Variants in TADA1 observed in about 807,000 individuals in gnomAD.
TADA1 encodes the protein transcriptional adaptor 1.
In TADA1, 23 loss-of-function variants were observed where a neutral mutation model predicts 39.3. That is an observed-to-expected ratio of 0.58 (90% CI 0.42 to 0.83). The LOEUF (loss-of-function observed/expected upper bound fraction) is 0.83, where lower values mean the gene tolerates loss of function less well. TADA1 is among the 40% of genes least tolerant of loss of function. TADA1 has a pLI of 0.00. For synonymous variants in TADA1, 137 were observed against 151.8 expected, an observed-to-expected ratio of 0.90 and a Z score of 0.72; for missense variants, 352 against 408.1, an observed-to-expected ratio of 0.86 and a Z score of 1.18.
intron 6 of TADA1, 57 bp downstream of exon 6, chr1:166,860,127 AAG>A (rs1210149462): frequency 1.3e-6 from 2 of 1,501,290 alleles, no homozygotes; most frequent in African/African-American, 2.8e-5. Context: ...AATGGTCTAT[AAG>A]AGGAGTATAA....
rs141542819 is a variant in TADA1, at chr1:166,863,887, G to A, written c.267C>T (p.Ser89=). ...CCTTGGGTTTTCCAGGTTTTGCTGC[G>A]GAACCCCCTGGCCAAGGCAAAGATC... ...GAGSLPWPGG[S]AAKPGKPKGK... The change falls in exon 4 of 8, where the codon TCC becomes TCT. Residue 89 remains serine (S), a synonymous_variant. Transcript: ENST00000367874. The A allele has an allele frequency of 5.1e-5, 82 of 1,611,054 alleles. No individual in the cohort carries two copies. The highest frequency in any genetic ancestry group is 3.8e-4 in the East Asian group (17 of 44,718).
Position 166,876,067 on chromosome 1 carries a change from G to A in TADA1, c.74+93C>T, listed in dbSNP as rs1008748246. 3.1e-6 allele frequency: 4 copies of A among 1,275,846 alleles called. No individual in the cohort carries two copies. The Admixed American group carries it at 8.1e-5, about 26-fold the overall frequency. 79.0% of individuals were successfully genotyped at this position (1,275,846 alleles called of 1,614,324 possible). On this transcript the variant is annotated intron_variant, in intron 1 of 7. Transcript: ENST00000367874. ...CGGACTCCAGGCTGCACAGGCCCCCGGGCGACGCGGGCGTCTCCGGGGCGG... is the reference window on the plus strand; with the variant it reads ...CGGACTCCAGGCTGCACAGGCCCCCAGGCGACGCGGGCGTCTCCGGGGCGG...
At chr1:166,874,466 A>C (rs1427219098) in intron 1 of TADA1, among the ~76,000 whole-genome samples, 1 of 152,172 alleles carries the variant, frequency 6.6e-6, no homozygotes, top group Non-Finnish European at 1.5e-5. Flanking sequence ...AGCACAGTGA[A>C]CATCAATATC....
intron 3 of TADA1, among the ~76,000 whole-genome samples, chr1:166,867,082 C>A (rs1658554826): frequency 6.8e-6 from 1 of 148,126 alleles, no homozygotes; most frequent in African/African-American, 2.4e-5. Flanking sequence ...TTTATAAGTT[C>A]TTTCATCTGT....
chr1:166,858,295 T>C lies in TADA1; in HGVS notation c.693-14A>G. ...AAAGCTGGAGGGCTGAAAATAAAAA[T>C]TTCAGAAATAGTCCCAGCACAGAGA... On this transcript the variant is annotated splice_polypyrimidine_tract_variant and intron_variant, in intron 6 of 7. Transcript: ENST00000367874. The C allele has an allele frequency of 4.6e-6, 7 of 1,525,294 alleles. No individual in the cohort carries two copies. Among genetic ancestry groups the C allele is most frequent in the Non-Finnish European group, 6.1e-6 (7 of 1,139,350 alleles). The allele number at this position is 1,525,294 out of a possible 1,614,324, so 94.5% of individuals were successfully genotyped here. A position where few individuals can be genotyped will look rare whatever the true frequency, so the allele number is the denominator to read the frequency against.
chr1:166,857,739 G>GC lies in TADA1; in HGVS notation c.856-21dup. ...GTGCACCTGGGATTAAAAAATTAAC[G>GC]CATGTCCAATTATACTTGAGTAGAC... On this transcript the variant is annotated intron_variant, in intron 7 of 7. Coordinates refer to ENST00000367874, the MANE Select transcript of TADA1 (RefSeq NM_053053.4). 6.2e-7 allele frequency: 1 copy of GC among 1,607,024 alleles called. No homozygotes were observed. The highest frequency in any genetic ancestry group is 8.5e-7 in the Non-Finnish European group (1 of 1,175,940).
chr1:166,858,218 A>C lies in TADA1; in HGVS notation c.756T>G (p.Asp252Glu). ...GCAGGAGTGCAGCCTGCTGCTCAGC[A>C]TCATCAGGGGGTGGGTGAGAAGCTG... Reference protein sequence around the residue: ...QNPASHPPPDDAEQQAALLLA... With the variant: ...QNPASHPPPDEAEQQAALLLA... The change falls in exon 7 of 8, where the codon GAT becomes GAG. Residue 252 changes from aspartate to glutamate, a missense_variant. Physicochemically the swap from Asp to Glu is conservative, Grantham distance 45. Around this residue, in one of 3 missense-constraint regions of TADA1, gnomAD observed 285 missense variants for 310.9 expected, o/e 0.92. Transcript: ENST00000367874. 6.2e-7 allele frequency: 1 copy of C among 1,612,900 alleles called. No homozygotes were observed. The highest frequency in any genetic ancestry group is 1.1e-5 in the South Asian group (1 of 90,824).
intron 6 of TADA1, 145 bp downstream of exon 6, chr1:166,860,041 T>G: frequency 1.3e-6 from 1 of 774,270 alleles, no homozygotes; most frequent in Non-Finnish European, 2.0e-6. Context: ...CTCAGGCAAG[T>G]ATAGGACTTT....
intron 3 of TADA1, among the ~76,000 whole-genome samples, chr1:166,866,192 C>G (rs114503964): frequency 6.6e-6 from 1 of 152,218 alleles, no homozygotes; most frequent in Non-Finnish European, 1.5e-5. Flanking sequence ...AAGCGAAGCA[C>G]GCTAAGGCCT....
rs74123309 is a variant in TADA1, at chr1:166,870,052, G to T, written c.75-198C>A. Among the ~76,000 whole-genome samples the T allele has an allele frequency of 6.6e-3, 1,004 of 152,154 alleles. 9 individuals are homozygous for T. The highest frequency in any genetic ancestry group is 0.023 in the African/African-American group (963 of 41,520). On this transcript the variant is annotated intron_variant, in intron 1 of 7. Coordinates refer to ENST00000367874, the MANE Select transcript of TADA1 (RefSeq NM_053053.4). ...CCCTGAGTAGCTGGGACTACAGCAT[G>T]AACACATTTTGCTTCTTCCCCAAGT...
chr1:166,858,941 A>T (rs540930123), intron 6 of TADA1, among the ~76,000 whole-genome samples: 17 of 152,316 alleles, frequency 1.1e-4, no homozygotes, highest in African/African-American at 4.1e-4. Flanking sequence ...GCCCTCAGAG[A>T]CTGGCCAGCA....
chr1:166,869,152 A>G, intron 3 of TADA1: 2 of 382,902 alleles, frequency 5.2e-6, no homozygotes, highest in Non-Finnish European at 1.0e-5. Flanking sequence ...ACAGAAATTC[A>G]AGCTTTGGAT....
intron 7 of TADA1, 122 bp from the exon 8 acceptor site, chr1:166,857,841 A>C: frequency 9.0e-7 from 1 of 1,115,346 alleles, no homozygotes; most frequent in Middle Eastern, 2.1e-4. Context: ...CATACACTAA[A>C]ATGAATCACC....
chr1:166,859,115 A>C (rs1658349113), intron 6 of TADA1, among the ~76,000 whole-genome samples: 1 of 152,238 alleles, frequency 6.6e-6, no homozygotes, highest in Non-Finnish European at 1.5e-5. Context: ...ATGGCAATCT[A>C]AACAGTAAAC....
In TADA1 at chr1:166,863,873, C is replaced by G. The variant is rs1042965429; in HGVS notation, c.281G>C (p.Gly94Ala). 2 of 1,611,838 alleles carry G rather than the reference C, an allele frequency of 1.2e-6. No individual in the cohort carries two copies. ...AAGCTTTTTCTTTCCCTTGGGTTTT[C>G]CAGGTTTTGCTGCGGAACCCCCTGG... ...PWPGGSAAKPGKPKGKKKLSS... is the reference protein window; with the variant it reads ...PWPGGSAAKPAKPKGKKKLSS... The change falls in exon 4 of 8, where the codon GGA (glycine) becomes GCA (alanine). Residue 94 changes from glycine to alanine, a missense_variant. Transcript: ENST00000367874.
At position 166,860,285 on chromosome 1, in the gene TADA1, C is replaced by G. The variant is rs2272792; in HGVS notation, c.593G>C (p.Arg198Pro). The change falls in exon 6 of 8, where the codon CGG (arginine) becomes CCG (proline). Residue 198 changes from arginine (R) to proline (P), a missense_variant. By Grantham distance (103) the Arg-to-Pro change is moderately radical. This residue lies in a region of TADA1 where 285 missense variants were observed against 310.9 expected (regional missense o/e 0.92). Coordinates refer to ENST00000367874, the MANE Select transcript of TADA1 (RefSeq NM_053053.4). ...ATATTTAAAATGACCATCTCGTAAC[C>G]GATAAGCTTTCCTTCTTGACACAAC... Reference protein sequence around the residue: ...TSVVSRRKAYRLRDGHFKYAF... With the variant: ...TSVVSRRKAYPLRDGHFKYAF... The G allele has an allele frequency of 6.2e-7, 1 of 1,613,574 alleles. No individual in the cohort carries two copies. The highest frequency in any genetic ancestry group is 1.3e-5 in the African/African-American group (1 of 74,900).
chr1:166,875,054 A>C (rs1298139291), intron 1 of TADA1, among the ~76,000 whole-genome samples: 2 of 152,196 alleles, frequency 1.3e-5, no homozygotes, highest in African/African-American at 4.8e-5. Flanking sequence ...ATTGGAGAAA[A>C]ATTAAGTATT....
intron 3 of TADA1, among the ~76,000 whole-genome samples, chr1:166,865,751 G>A (rs568217458): frequency 1.2e-4 from 18 of 151,982 alleles, no homozygotes; most frequent in African/African-American, 2.4e-4. Flanking sequence ...CCTGGGAGGC[G>A]GAGCTTGCAG....
chr1:166,860,439 G>T, intron 5 of TADA1, 102 bp from the exon 6 acceptor site: 1 of 1,179,366 alleles, frequency 8.5e-7, no homozygotes, highest in Non-Finnish European at 1.2e-6. Context: ...AGATGGAGAT[G>T]CAGAATAGGT....
Sources: allele counts gnomAD v4.1 joint callset (sites outside exome capture counted in the v4.1 genomes callset), GRCh38; gene constraint gnomAD v4.1.1; regional missense constraint gnomAD v4.1.1; transcripts MANE v1.5; gene names NCBI Gene and HGNC (gene_info 2026-07-23, HGNC 2026-07-21).